ASAP1: variants seen among roughly 807,000 people sequenced by gnomAD.
ASAP1 encodes arf-GAP with SH3 domain, ANK repeat and PH domain-containing protein 1.
A neutral mutation model predicts 145.2 loss-of-function variants in ASAP1; 43 were observed. That is an observed-to-expected ratio of 0.30 (90% CI 0.23 to 0.38). The LOEUF (loss-of-function observed/expected upper bound fraction) is 0.38. ASAP1 is among the 10% of genes least tolerant of loss of function. The pLI is 1.00. For synonymous variants in ASAP1, 546 were observed against 515.5 expected, an observed-to-expected ratio of 1.06 and a Z score of -0.80; for missense variants, 1,018 against 1,355.3, an observed-to-expected ratio of 0.75 and a Z score of 3.91.
intron 2 of ASAP1, among the ~76,000 whole-genome samples, chr8:130,397,162 A>G (rs1189120410): frequency 6.6e-6 from 1 of 152,106 alleles, no homozygotes; most frequent in East Asian, 1.9e-4. Context: ...TGTTGTTAAG[A>G]AAGAGTCTAG....
chr8:130,286,131 A>G (rs189114477), intron 3 of ASAP1, among the ~76,000 whole-genome samples: 4 of 152,348 alleles, frequency 2.6e-5, no homozygotes, highest in East Asian at 1.9e-4. Context: ...TGAAGAAAAG[A>G]AGGCTCAGGG....
intron 2 of ASAP1, among the ~76,000 whole-genome samples, chr8:130,389,034 G>A (rs1271211062): frequency 6.6e-6 from 1 of 152,178 alleles, no homozygotes; most frequent in Admixed American, 6.5e-5. Flanking sequence ...ATTGTTGTAA[G>A]GATTGAATGA....
In ASAP1 at chr8:130,117,002, A is replaced by G; in HGVS notation, c.1881-7T>C. ...CTGCTTATCCAGGTTCCCACTGAAA[A>G]ATTAGATGATGATTAGAAAAAAATG... is the stretch of plus-strand genomic sequence containing the variant. On this transcript the variant is annotated splice_region_variant and splice_polypyrimidine_tract_variant and intron_variant, in intron 20 of 29. Coordinates refer to ENST00000518721, the MANE Select transcript of ASAP1 (RefSeq NM_018482.4). The G allele has an allele frequency of 6.3e-7, 1 of 1,585,454 alleles. No individual in the cohort carries two copies. Among genetic ancestry groups the G allele is most frequent in the South Asian group, 1.1e-5 (1 of 87,006 alleles).
intron 9 of ASAP1, among the ~76,000 whole-genome samples, chr8:130,173,281 C>G (rs1347981852): frequency 1.3e-5 from 2 of 152,164 alleles, no homozygotes; most frequent in African/African-American, 4.8e-5. Flanking sequence ...CCATAAAAAG[C>G]AAAGGGTGAC....
chr8:130,402,024 A>C, intron 1 of ASAP1, 54 bp from the exon 2 acceptor site: 1 of 1,216,816 alleles, frequency 8.2e-7, no homozygotes, highest in Non-Finnish European at 1.2e-6. Context: ...GAAACTGGGC[A>C]GAAGACATTG....
At chr8:130,430,708 G>A (rs1830106407) in intron 1 of ASAP1, among the ~76,000 whole-genome samples, 1 of 152,186 alleles carries the variant, frequency 6.6e-6, no homozygotes, top group Non-Finnish European at 1.5e-5. Context: ...CAGGAACTGT[G>A]GGATGGACAG....
intron 1 of ASAP1, among the ~76,000 whole-genome samples, chr8:130,412,046 G>C (rs956789580): frequency 6.6e-6 from 1 of 152,144 alleles, no homozygotes; most frequent in African/African-American, 2.4e-5. Flanking sequence ...TATGGGTATC[G>C]GCCACATAGC....
intron 27 of ASAP1, among the ~76,000 whole-genome samples, chr8:130,073,120 G>A (rs896203146): frequency 4.0e-5 from 6 of 151,330 alleles, no homozygotes; most frequent in African/African-American, 9.7e-5. Flanking sequence ...ACTTTGGTAG[G>A]AGATAGAAAT....
chr8:130,122,264 C>A (rs2097567510), intron 18 of ASAP1, among the ~76,000 whole-genome samples: 1 of 152,134 alleles, frequency 6.6e-6, no homozygotes, highest in Non-Finnish European at 1.5e-5. Flanking sequence ...AGAATGTAAG[C>A]AGGACAGAAA....
At chr8:130,077,125 G>A (rs985711165) in intron 26 of ASAP1, among the ~76,000 whole-genome samples, 1 of 152,148 alleles carries the variant, frequency 6.6e-6, no homozygotes, top group Non-Finnish European at 1.5e-5. Context: ...GTGGAAATTC[G>A]GCCCTAGCTC....
chr8:130,369,843 A>G (rs1827129219), intron 2 of ASAP1, among the ~76,000 whole-genome samples: 1 of 152,246 alleles, frequency 6.6e-6, no homozygotes, highest in Admixed American at 6.5e-5. Context: ...AAGTGTTATC[A>G]TCTGACCCAG....
At chr8:130,350,524 C>A (rs1825935517) in intron 3 of ASAP1, among the ~76,000 whole-genome samples, 1 of 152,228 alleles carries the variant, frequency 6.6e-6, no homozygotes. Flanking sequence ...GCAATCCAAG[C>A]ATCTGATCAG....
intron 3 of ASAP1, among the ~76,000 whole-genome samples, chr8:130,336,785 G>C (rs79928066): frequency 0.016 from 2,375 of 152,236 alleles, 35 homozygotes; most frequent in East Asian, 0.053. Flanking sequence ...TCTAAAAGAC[G>C]GTAAGCCAGA....
rs190963464 is a variant in ASAP1 at position 130,156,328 on chromosome 8, C to G, written c.1011-3523G>C. Reference sequence around the variant, plus strand: ...CAAGCAACTCCAGGTTATTAGTGCTCATCTTTGCTATCTGTGCCATTATTA... The same window carrying G: ...CAAGCAACTCCAGGTTATTAGTGCTGATCTTTGCTATCTGTGCCATTATTA... On this transcript the variant is annotated intron_variant, in intron 12 of 29. Coordinates refer to ENST00000518721, the MANE Select transcript of ASAP1 (RefSeq NM_018482.4). 1.3e-3 allele frequency among the ~76,000 whole-genome samples: 203 copies of G among 152,338 alleles called. 1 individual carries two copies. The highest frequency in any genetic ancestry group is 2.4e-3 in the Non-Finnish European group (161 of 68,030).
chr8:130,105,068 CAT>C (rs112418949), intron 24 of ASAP1, among the ~76,000 whole-genome samples: 8,146 of 152,022 alleles, frequency 0.054, 284 homozygotes, highest in Middle Eastern at 0.078. Context: ...TAATTGATAA[CAT>C]ATATATTTAT....
In ASAP1 at chr8:130,314,287, T is replaced by C. The variant is rs78052643; in HGVS notation, c.186+43730A>G. Among the ~76,000 whole-genome samples the C allele has an allele frequency of 3.3e-4, 50 of 152,284 alleles. No homozygotes were observed. The East Asian group carries it at 5.2e-3, about 16-fold the overall frequency. On this transcript the variant is annotated intron_variant, in intron 3 of 29. Transcript: ENST00000518721. Reference sequence around the variant, plus strand: ...CTTTTTATGATGCTCTCAAAACATATTGAAATGATGAGGAGGAGGAAGAAA... The same window carrying C: ...CTTTTTATGATGCTCTCAAAACATACTGAAATGATGAGGAGGAGGAAGAAA...
chr8:130,164,186 C>T (rs1004617493), intron 11 of ASAP1, among the ~76,000 whole-genome samples: 15 of 152,106 alleles, frequency 9.9e-5, no homozygotes, highest in Non-Finnish European at 8.8e-5. Flanking sequence ...AACCTGCAAA[C>T]GATAATGTGA....
intron 3 of ASAP1, among the ~76,000 whole-genome samples, chr8:130,249,864 C>T (rs534938604): frequency 5.9e-5 from 9 of 152,246 alleles, no homozygotes; most frequent in African/African-American, 2.2e-4. Flanking sequence ...TCAGATGTCT[C>T]TGGTTCTCAG....
chr8:130,123,747 C>G (rs1002369879), intron 18 of ASAP1, among the ~76,000 whole-genome samples: 7 of 152,120 alleles, frequency 4.6e-5, no homozygotes, highest in Non-Finnish European at 7.4e-5. Flanking sequence ...CTGCCTCAGC[C>G]TCCCGAGTAG....
Sources: allele counts gnomAD v4.1 joint callset (sites outside exome capture counted in the v4.1 genomes callset), GRCh38; gene constraint gnomAD v4.1.1; transcripts MANE v1.5; gene names NCBI Gene and HGNC (gene_info 2026-07-23, HGNC 2026-07-21).